Variants in CNTN6 observed in about 807,000 individuals in gnomAD.
CNTN6 encodes contactin 6.
In CNTN6, 137 loss-of-function variants were observed where a neutral mutation model predicts 122.8. The observed-to-expected ratio is 1.12, with a 90% confidence interval of 0.97 to 1.29. The LOEUF (loss-of-function observed/expected upper bound fraction) is 1.29. CNTN6 is among the 50% of genes most tolerant of loss of function. The pLI is 0.00. For synonymous variants in CNTN6, 570 were observed against 426.0 expected (o/e 1.34, Z -4.16); for missense variants, 1,634 against 1,223.4 (o/e 1.34, Z -5.01).
intron 11 of CNTN6, among the ~76,000 whole-genome samples, chr3:1,344,431 G>A (rs1441432499): frequency 1.3e-5 from 2 of 152,164 alleles, no homozygotes; most frequent in Non-Finnish European, 2.9e-5. Flanking sequence ...CCCCTTTGCT[G>A]GTGGAGCTGC....
chr3:1,252,744 T>A (rs1231826719), intron 4 of CNTN6, among the ~76,000 whole-genome samples: 1 of 152,160 alleles, frequency 6.6e-6, no homozygotes, highest in Non-Finnish European at 1.5e-5. Context: ...GATACCACAC[T>A]CAAGGGGAAA....
chr3:1,240,512 C>G lies in CNTN6; in HGVS notation c.358+12519C>G, dbSNP rs549653661. ...CTGCAAGAATTGCCATAATCAAAAA[C>G]TCAAAAAATAATAGACATTGGCATG... On this transcript the variant is annotated intron_variant, in intron 4 of 22. Transcript: ENST00000446702. 1.7e-4 allele frequency among the ~76,000 whole-genome samples: 26 copies of G among 151,908 alleles called. 2 individuals are homozygous for G. In the South Asian group the frequency reaches 4.8e-3, roughly 28 times the overall value.
At chr3:1,378,177 CACAT>C (rs987121725) in intron 17 of CNTN6, among the ~76,000 whole-genome samples, 3 of 152,120 alleles carry the variant, frequency 2.0e-5, no homozygotes, top group African/African-American at 7.2e-5. Flanking sequence ...CCTCAGCAGA[CACAT>C]ACCCTGCTCC....
intron 17 of CNTN6, among the ~76,000 whole-genome samples, chr3:1,382,449 T>C (rs1355856977): frequency 1.3e-5 from 2 of 152,216 alleles, no homozygotes; most frequent in East Asian, 1.9e-4. Context: ...GGGAGGTCTT[T>C]TATACTTTTT....
chr3:1,321,161 T>C (rs776279798), intron 7 of CNTN6, among the ~76,000 whole-genome samples: 1 of 151,724 alleles, frequency 6.6e-6, no homozygotes, highest in Non-Finnish European at 1.5e-5. Flanking sequence ...AGATCTGGAA[T>C]ACTTTATATT....
chr3:1,206,179 A>T (rs147969802), intron 2 of CNTN6, among the ~76,000 whole-genome samples: 74 of 152,092 alleles, frequency 4.9e-4, no homozygotes, highest in African/African-American at 1.6e-3. Context: ...TCTCTAATCC[A>T]AATACTTTCT....
At chr3:1,245,508 T>C (rs2094570726) in intron 4 of CNTN6, among the ~76,000 whole-genome samples, 1 of 148,554 alleles carries the variant, frequency 6.7e-6, no homozygotes, top group African/African-American at 2.5e-5. Flanking sequence ...AGCATAAGAA[T>C]GATACAATGG....
chr3:1,173,837 T>C (rs1340532297), intron 2 of CNTN6, among the ~76,000 whole-genome samples: 1 of 152,014 alleles, frequency 6.6e-6, no homozygotes, highest in Non-Finnish European at 1.5e-5. Flanking sequence ...GATATGCCAC[T>C]ACATGCTCCT....
intron 2 of CNTN6, among the ~76,000 whole-genome samples, chr3:1,184,023 C>T (rs1050801900): frequency 6.6e-6 from 1 of 152,168 alleles, no homozygotes; most frequent in Non-Finnish European, 1.5e-5. Flanking sequence ...AGGGCCTTTC[C>T]TACACAGATG....
chr3:1,329,519 A>G lies in CNTN6; in HGVS notation c.1214-266A>G, dbSNP rs541381020. ...GAGCCTATACTTTGCGCCAGGCACTATACTATAATTCCCTGCAACTGTTAC... is the reference window on the plus strand; with the variant it reads ...GAGCCTATACTTTGCGCCAGGCACTGTACTATAATTCCCTGCAACTGTTAC... On this transcript the variant is annotated intron_variant, in intron 10 of 22. Coordinates refer to ENST00000446702, the MANE Select transcript of CNTN6 (RefSeq NM_001289080.2). Among the ~76,000 whole-genome samples the G allele has an allele frequency of 5.9e-5, 9 of 151,922 alleles. 2 individuals carry two copies. The South Asian group carries it at 1.9e-3, about 32-fold the overall frequency.
chr3:1,251,336 C>A (rs923462942), intron 4 of CNTN6, among the ~76,000 whole-genome samples: 1 of 152,164 alleles, frequency 6.6e-6, no homozygotes, highest in African/African-American at 2.4e-5. Flanking sequence ...AGTCCATGGA[C>A]TCCAGCAATA....
chr3:1,166,998 C>A, intron 2 of CNTN6, among the ~76,000 whole-genome samples: 1 of 151,190 alleles, frequency 6.6e-6, no homozygotes, highest in Admixed American at 6.6e-5. Context: ...ACATGTATAC[C>A]TGTGTAACAA....
intron 9 of CNTN6, among the ~76,000 whole-genome samples, chr3:1,326,480 C>G (rs1234877380): frequency 1.3e-5 from 2 of 151,800 alleles, no homozygotes; most frequent in Non-Finnish European, 2.9e-5. Flanking sequence ...AGGACCCAAT[C>G]TCTTAGTCAC....
At chr3:1,103,693 C>T (rs544912000) in intron 1 of CNTN6, among the ~76,000 whole-genome samples, 1 of 152,270 alleles carries the variant, frequency 6.6e-6, no homozygotes, top group Middle Eastern at 3.4e-3. Flanking sequence ...ACACACAAGA[C>T]ACAATGCCTG....
intron 1 of CNTN6, among the ~76,000 whole-genome samples, chr3:1,104,863 A>G (rs1417952800): frequency 1.3e-5 from 2 of 152,150 alleles, no homozygotes; most frequent in East Asian, 1.9e-4. Flanking sequence ...GTATCATTAA[A>G]TATTCTCCTA....
At chr3:1,220,665 A>C (rs965273866) in intron 2 of CNTN6, 22 bp from the exon 3 acceptor site, 1 of 1,585,874 alleles carries the variant, frequency 6.3e-7, no homozygotes, top group African/African-American at 1.4e-5. Flanking sequence ...TTTTCATGTG[A>C]TTTATTCTTT....
chr3:1,327,868 A>C (rs1479054936), intron 10 of CNTN6, among the ~76,000 whole-genome samples: 2 of 151,870 alleles, frequency 1.3e-5, no homozygotes, highest in African/African-American at 4.8e-5. Flanking sequence ...TAACTCAAAG[A>C]ATATCTTTAG....
At chr3:1,334,396 G>A (rs1702757240) in intron 11 of CNTN6, among the ~76,000 whole-genome samples, 1 of 148,632 alleles carries the variant, frequency 6.7e-6, no homozygotes, top group Non-Finnish European at 1.5e-5. Flanking sequence ...TTTTTTTGAG[G>A]CCACTATTTC....
At chr3:1,111,431 G>C (rs2091475824) in intron 1 of CNTN6, among the ~76,000 whole-genome samples, 2 of 152,160 alleles carry the variant, frequency 1.3e-5, no homozygotes, top group Non-Finnish European at 2.9e-5. Context: ...AGTAAAATGA[G>C]ATTCAGAGAT....
Sources: gnomAD v4.1 joint callset for allele counts (sites outside exome capture counted in the v4.1 genomes callset) on GRCh38, gnomAD v4.1.1 for gene constraint, MANE v1.5 for transcripts, NCBI Gene and HGNC (gene_info 2026-07-23, HGNC 2026-07-21) for gene names.